The following FHIT variants were observed in gnomAD, a reference collection of about 807,000 sequenced individuals.
The protein encoded by FHIT is bis(5'-adenosyl)-triphosphatase.
A neutral mutation model predicts 17.9 loss-of-function variants in FHIT; 19 were observed. That is an observed-to-expected ratio of 1.06 (90% CI 0.74 to 1.56). The LOEUF (loss-of-function observed/expected upper bound fraction) is 1.56, where lower values mean the gene tolerates loss of function less well. Among genes scored for constraint, FHIT ranks in the 40% most tolerant of loss-of-function variants. The probability of loss-of-function intolerance (pLI) is 0.00; values close to 1 mark genes in which losing one functional copy is unlikely to be tolerated. For missense variants in FHIT, 248 were observed against 189.2 expected (o/e 1.31, Z -1.82); for synonymous variants, 81 against 69.7 (o/e 1.16, Z -0.81).
intron 5 of FHIT, among the ~76,000 whole-genome samples, chr3:60,242,792 ACTG>A (rs1173491299): frequency 5.3e-5 from 8 of 152,096 alleles, no homozygotes; most frequent in African/African-American, 1.9e-4. Context: ...ATTAGACAGC[ACTG>A]CTTTCAGTCC....
intron 5 of FHIT, among the ~76,000 whole-genome samples, chr3:60,165,236 T>C (rs1701118755): frequency 6.6e-6 from 1 of 152,058 alleles, no homozygotes. Flanking sequence ...ACACGCAGAG[T>C]AGATGCTCAA....
At chr3:60,219,959 C>A (rs1703885694) in intron 5 of FHIT, among the ~76,000 whole-genome samples, 1 of 152,136 alleles carries the variant, frequency 6.6e-6, no homozygotes, top group Non-Finnish European at 1.5e-5. Flanking sequence ...ATTTTTGTTT[C>A]TCTGTACTTG....
chr3:60,218,676 C>T (rs1576325002), intron 5 of FHIT, among the ~76,000 whole-genome samples: 1 of 152,080 alleles, frequency 6.6e-6, no homozygotes. Flanking sequence ...ATACTAATTA[C>T]AGTCATGATG....
At chr3:60,095,321 A>C (rs1350493238) in intron 5 of FHIT, among the ~76,000 whole-genome samples, 3 of 152,196 alleles carry the variant, frequency 2.0e-5, no homozygotes, top group Non-Finnish European at 4.4e-5. Flanking sequence ...AAGTCTTGAA[A>C]TCGTTCCCAC....
intron 4 of FHIT, among the ~76,000 whole-genome samples, chr3:60,795,173 T>C (rs1204600261): frequency 1.3e-5 from 2 of 152,208 alleles, no homozygotes; most frequent in African/African-American, 4.8e-5. Flanking sequence ...CTCCACATCC[T>C]ATCTGATGAC....
At chr3:60,368,968 T>A (rs1018703913) in intron 5 of FHIT, among the ~76,000 whole-genome samples, 3 of 150,624 alleles carry the variant, frequency 2.0e-5, no homozygotes, top group African/African-American at 7.4e-5. Context: ...CATGGCACTT[T>A]TCTTTTCTCT....
At chr3:60,879,149 C>A (rs1260314351) in intron 3 of FHIT, among the ~76,000 whole-genome samples, 35 of 152,172 alleles carry the variant, frequency 2.3e-4, no homozygotes, top group Admixed American at 2.3e-3. Flanking sequence ...TCTCCAGCAC[C>A]TGTTGTTTCC....
At chr3:60,249,345 CTT>C (rs1020318758) in intron 5 of FHIT, among the ~76,000 whole-genome samples, 2 of 152,098 alleles carry the variant, frequency 1.3e-5, no homozygotes, top group Admixed American at 6.6e-5. Context: ...TCTATTTACA[CTT>C]TTCTCGGAAA....
chr3:60,204,704 C>A (rs1703090342), intron 5 of FHIT, among the ~76,000 whole-genome samples: 1 of 151,864 alleles, frequency 6.6e-6, no homozygotes, highest in South Asian at 2.1e-4. Context: ...TCATTTAGAC[C>A]TAATGCACTA....
At chr3:60,235,593 G>T (rs1403000714) in intron 5 of FHIT, among the ~76,000 whole-genome samples, 1 of 152,120 alleles carries the variant, frequency 6.6e-6, no homozygotes, top group Non-Finnish European at 1.5e-5. Flanking sequence ...AGGAAACATT[G>T]TATACAGACT....
At chr3:60,560,837 A>ACG (rs2036913352) in intron 4 of FHIT, among the ~76,000 whole-genome samples, 1 of 137,818 alleles carries the variant, frequency 7.3e-6, no homozygotes, top group Non-Finnish European at 1.6e-5. Context: ...ACACACACAC[A>ACG]CACACACAGA....
At chr3:60,682,605 A>C (rs2040776087) in intron 4 of FHIT, among the ~76,000 whole-genome samples, 2 of 152,180 alleles carry the variant, frequency 1.3e-5, no homozygotes, top group African/African-American at 4.8e-5. Flanking sequence ...CTCAGAAAAA[A>C]GATTCCTTTC....
At chr3:60,692,196 C>T (rs1251733946) in intron 4 of FHIT, among the ~76,000 whole-genome samples, 1 of 152,154 alleles carries the variant, frequency 6.6e-6, no homozygotes, top group Non-Finnish European at 1.5e-5. Flanking sequence ...CCAAGGCCCT[C>T]GTAGTTTCAG....
intron 8 of FHIT, among the ~76,000 whole-genome samples, chr3:59,870,245 T>C (rs771681887): frequency 3.9e-5 from 6 of 152,186 alleles, no homozygotes; most frequent in Non-Finnish European, 7.3e-5. Flanking sequence ...TTGTGTGACC[T>C]CATGTCACCC....
chr3:60,977,549 G>A (rs190110585), intron 3 of FHIT, among the ~76,000 whole-genome samples: 1 of 152,272 alleles, frequency 6.6e-6, no homozygotes, highest in Admixed American at 6.5e-5. Flanking sequence ...AGTGTGTGCT[G>A]AGCAGTGGGG....
intron 1 of FHIT, among the ~76,000 whole-genome samples, chr3:61,209,423 G>C (rs982354339): frequency 8.5e-5 from 13 of 152,286 alleles, no homozygotes; most frequent in African/African-American, 3.1e-4. Context: ...TTCCAACTTG[G>C]TTCCATTCTC....
At position 59,893,931 on chromosome 3, in the gene FHIT, C is replaced by T. The variant is rs146613073; in HGVS notation, c.348+28415G>A. 4.0e-3 allele frequency among the ~76,000 whole-genome samples: 584 copies of T among 144,238 alleles called. 5 individuals are homozygous for T. Among genetic ancestry groups the T allele is most frequent in the Non-Finnish European group, 6.7e-3 (444 of 65,956 alleles). The allele number at this position is 144,238 out of a possible 152,430, so 94.6% of individuals were successfully genotyped here. A position where few individuals can be genotyped will look rare whatever the true frequency, so the allele number is the denominator to read the frequency against. On this transcript the variant is annotated intron_variant, in intron 8 of 9. Transcript: ENST00000492590. ...GGCCATATTTAAACTCAGTGGAAAACAGCAGCATGGGAAATTAGCAGTTTG... is the reference window on the plus strand; with the variant it reads ...GGCCATATTTAAACTCAGTGGAAAATAGCAGCATGGGAAATTAGCAGTTTG...
intron 5 of FHIT, among the ~76,000 whole-genome samples, chr3:60,437,200 T>A (rs1205191184): frequency 6.6e-6 from 1 of 152,088 alleles, no homozygotes; most frequent in East Asian, 1.9e-4. Flanking sequence ...ATAGTTGGCA[T>A]AAATAAATCG....
At chr3:60,144,448 G>C (rs1207402658) in intron 5 of FHIT, among the ~76,000 whole-genome samples, 1 of 152,174 alleles carries the variant, frequency 6.6e-6, no homozygotes, top group Non-Finnish European at 1.5e-5. Context: ...GGAGCTTGGA[G>C]AGACTGAGGG....
Sources: allele counts gnomAD v4.1 joint callset (sites outside exome capture counted in the v4.1 genomes callset), GRCh38; gene constraint gnomAD v4.1.1; transcripts MANE v1.5; gene names NCBI Gene and HGNC (gene_info 2026-07-23, HGNC 2026-07-21).